The following EML6 variants were observed in gnomAD, a reference collection of about 807,000 sequenced individuals.
EML6 encodes the protein echinoderm microtubule-associated protein-like 6.
EML6 carries 154 observed loss-of-function variants against 240.1 expected under a neutral mutation model. That is an observed-to-expected ratio of 0.64 (90% CI 0.56 to 0.73). The LOEUF (loss-of-function observed/expected upper bound fraction) is 0.73, where lower values mean the gene tolerates loss of function less well. Ranked by LOEUF, EML6 falls within the 30% of genes least tolerant of loss-of-function variation. EML6 has a pLI of 0.00. For missense variants in EML6, 2,964 were observed against 2,474.6 expected (o/e 1.20, Z -4.20); for synonymous variants, 1,148 against 899.0 (o/e 1.28, Z -4.95).
chr2:54,961,184 G>GTTGTTTTTTTTTTTTTTTTTGTTTTTTT, intron 35 of EML6, among the ~76,000 whole-genome samples: 2 of 55,424 alleles, frequency 3.6e-5, no homozygotes, highest in Non-Finnish European at 6.3e-5. Context: ...TCAGGAAGTA[G>GTTGTTTTTTTTTTTTTTTTTGTTTTTTT]TTTTTTTTTT....
intron 10 of EML6, among the ~76,000 whole-genome samples, chr2:54,853,388 T>A (rs538098024): frequency 6.6e-6 from 1 of 152,180 alleles, no homozygotes; most frequent in South Asian, 2.1e-4. Context: ...ATTCATAGAA[T>A]GTGTAGTGAT....
intron 10 of EML6, among the ~76,000 whole-genome samples, chr2:54,851,306 G>A (rs1031764202): frequency 6.6e-6 from 1 of 152,168 alleles, no homozygotes; most frequent in African/African-American, 2.4e-5. Context: ...CCAGCTACTT[G>A]GGAGGCTAAG....
chr2:54,908,438 C>T (rs1014198566), intron 24 of EML6, among the ~76,000 whole-genome samples: 1 of 151,988 alleles, frequency 6.6e-6, no homozygotes, highest in Non-Finnish European at 1.5e-5. Flanking sequence ...TGGAAACCAG[C>T]TTAAATTTTA....
chr2:54,764,408 C>G (rs1279364307), intron 2 of EML6, among the ~76,000 whole-genome samples: 3 of 152,114 alleles, frequency 2.0e-5, no homozygotes, highest in Non-Finnish European at 4.4e-5. Context: ...CATCTGATCC[C>G]CCCAAAGCAA....
chr2:54,908,002 T>TA (rs1673440119), intron 24 of EML6, among the ~76,000 whole-genome samples: 1 of 148,878 alleles, frequency 6.7e-6, no homozygotes, highest in South Asian at 2.1e-4. Context: ...GATAGATAGA[T>TA]ATCACAGCAG....
rs762685473 is a variant in EML6, at chr2:54,838,587, G to T, written c.848-5460G>T. ...TATTCACAGACTAGATCTCCCCATG[G>T]CCAGGCTTCAGGACTGTAGCAGAGG... is the stretch of plus-strand genomic sequence containing the variant. On this transcript the variant is annotated intron_variant, in intron 7 of 41. Coordinates refer to ENST00000356458, the MANE Select transcript of EML6 (RefSeq NM_001039753.4). 1.1e-3 allele frequency among the ~76,000 whole-genome samples: 162 copies of T among 152,284 alleles called. No homozygotes were observed. In the Middle Eastern group the frequency reaches 0.014, roughly 13 times the overall value.
At chr2:54,780,486 G>T (rs1221808621) in intron 2 of EML6, among the ~76,000 whole-genome samples, 1 of 152,186 alleles carries the variant, frequency 6.6e-6, no homozygotes, top group Non-Finnish European at 1.5e-5. Flanking sequence ...CTGTACTGGA[G>T]TGAGTGGATA....
chr2:54,761,793 T>C (rs1246966993), intron 2 of EML6, among the ~76,000 whole-genome samples: 1 of 152,140 alleles, frequency 6.6e-6, no homozygotes, highest in Non-Finnish European at 1.5e-5. Context: ...ATTTCATCCA[T>C]TTTTAGTATT....
At chr2:54,845,561 CT>C (rs1669707326) in intron 8 of EML6, among the ~76,000 whole-genome samples, 3 of 152,138 alleles carry the variant, frequency 2.0e-5, no homozygotes, top group Admixed American at 2.0e-4. Context: ...GTCATAATTT[CT>C]TGAGAAAGAT....
intron 5 of EML6, among the ~76,000 whole-genome samples, chr2:54,825,405 A>C (rs111841203): frequency 1.7e-3 from 252 of 152,194 alleles, no homozygotes; most frequent in African/African-American, 5.8e-3. Context: ...AAAAAACTTT[A>C]TTACAGGTGT....
chr2:54,770,806 C>T (rs1310581450), intron 2 of EML6, among the ~76,000 whole-genome samples: 1 of 152,168 alleles, frequency 6.6e-6, no homozygotes, highest in African/African-American at 2.4e-5. Flanking sequence ...AGCTTCTCCC[C>T]ACTTTCCAGT....
chr2:54,789,327 C>A (rs1405280874), intron 2 of EML6, among the ~76,000 whole-genome samples: 2 of 151,608 alleles, frequency 1.3e-5, no homozygotes, highest in African/African-American at 2.4e-5. Flanking sequence ...TCCTGGCTAA[C>A]ACGGTGAAAC....
intron 2 of EML6, among the ~76,000 whole-genome samples, chr2:54,756,115 G>C (rs764288793): frequency 6.6e-6 from 1 of 152,116 alleles, no homozygotes; most frequent in Admixed American, 6.5e-5. Context: ...TGAGAATGCC[G>C]TGAGCGATAG....
intron 17 of EML6, among the ~76,000 whole-genome samples, chr2:54,886,160 C>CTTTTT (rs869107962): frequency 2.9e-3 from 242 of 82,210 alleles, no homozygotes; most frequent in Non-Finnish European, 4.5e-3. Context: ...TTTTAACCTT[C>CTTTTT]TTTTTTTTTT....
intron 7 of EML6, among the ~76,000 whole-genome samples, chr2:54,833,711 G>A (rs1668991282): frequency 6.6e-6 from 1 of 152,188 alleles, no homozygotes; most frequent in Admixed American, 6.5e-5. Context: ...TTGCACCGGT[G>A]ACTTGTGCAT....
chr2:54,850,059 G>C lies in EML6; in HGVS notation c.1285G>C (p.Asp429His). 6.4e-7 allele frequency: 1 copy of C among 1,552,092 alleles called. No homozygotes were observed. The highest frequency in any genetic ancestry group is 8.7e-7 in the Non-Finnish European group (1 of 1,147,068). The change falls in exon 10 of 42, where the codon GAT becomes CAT. Residue 429 changes from aspartate (D) to histidine (H), a missense_variant. Physicochemically the swap from Asp to His is moderately conservative, Grantham distance 81. Coordinates refer to ENST00000356458, the MANE Select transcript of EML6 (RefSeq NM_001039753.4). ...TTCTTACCTTGCAGTGGGATCCAATGATGGCCCAGTAGATGTCTATGCTGT... is the reference window on the plus strand; with the variant it reads ...TTCTTACCTTGCAGTGGGATCCAATCATGGCCCAGTAGATGTCTATGCTGT... ...DGSYLAVGSNDGPVDVYAVAQ... is the reference protein window; with the variant it reads ...DGSYLAVGSNHGPVDVYAVAQ...
intron 24 of EML6, among the ~76,000 whole-genome samples, chr2:54,905,477 G>C (rs929842331): frequency 1.3e-5 from 2 of 152,012 alleles, no homozygotes; most frequent in Non-Finnish European, 2.9e-5. Flanking sequence ...CCAGAGAAAA[G>C]AGGGTATATA....
intron 2 of EML6, among the ~76,000 whole-genome samples, chr2:54,736,430 A>C (rs534461913): frequency 6.6e-6 from 1 of 152,328 alleles, no homozygotes; most frequent in East Asian, 1.9e-4. Flanking sequence ...GACTTTGGGC[A>C]TGGCAGTTAC....
chr2:54,819,418 C>G (rs561717974), intron 4 of EML6, among the ~76,000 whole-genome samples: 1 of 152,254 alleles, frequency 6.6e-6, no homozygotes, highest in South Asian at 2.1e-4. Context: ...CAGGATTGAC[C>G]TTTTCCTTCT....
Sources: allele counts gnomAD v4.1 joint callset (sites outside exome capture counted in the v4.1 genomes callset), GRCh38; gene constraint gnomAD v4.1.1; transcripts MANE v1.5; gene names NCBI Gene and HGNC (gene_info 2026-07-23, HGNC 2026-07-21).